UBR2: variants seen among roughly 807,000 people sequenced by gnomAD.
The protein encoded by UBR2 is E3 ubiquitin-protein ligase UBR2.
Under a neutral mutation model 247.9 loss-of-function variants are expected in UBR2, and 92 were observed. The ratio of observed to expected loss-of-function variants is 0.37; its 90% CI spans 0.31 to 0.44. The LOEUF is 0.44. UBR2 is among the 20% of genes least tolerant of loss of function. The pLI, the probability that UBR2 is intolerant of heterozygous loss-of-function variation, is 1.00. For synonymous variants in UBR2, 672 were observed against 693.5 expected (o/e 0.97, Z 0.49); for missense variants, 1,613 against 2,112.6 (o/e 0.76, Z 4.64).
chr6:42,625,545 G>A (rs1562325732), intron 11 of UBR2, among the ~76,000 whole-genome samples: 1 of 152,058 alleles, frequency 6.6e-6, no homozygotes, highest in South Asian at 2.1e-4. Context: ...TACCTCCCAG[G>A]TTCAAGCAAT....
rs1208475129 is a variant in UBR2 at position 42,615,086 on chromosome 6, T to C, written c.1001T>C (p.Ile334Thr). The C allele has an allele frequency of 5.0e-6, 8 of 1,613,306 alleles. No homozygotes were observed. In the East Asian group the frequency reaches 1.8e-4, roughly 36 times the overall value. Residue 334 changes from isoleucine (I) to threonine (T), a missense_variant, in exon 9 of 47, where the codon ATT becomes ACT. Ile to Thr is a moderately conservative substitution (Grantham distance 89). Transcript: ENST00000372901. ...CTATTTAAAGATGGCCTTCGCCGGA[T>C]TTTATGTCAAGTTGGTTTACAAGAA... ...IIGYSDGLRR[I>T]LCQVGLQEGP...
chr6:42,612,090 A>AT, intron 7 of UBR2, 81 bp from the exon 8 acceptor site: 1 of 1,328,808 alleles, frequency 7.5e-7, no homozygotes, highest in Non-Finnish European at 1.0e-6. Flanking sequence ...GTGTGGTTAT[A>AT]TTAAGTAAAA....
chr6:42,605,034 A>G (rs1465166500), intron 5 of UBR2, among the ~76,000 whole-genome samples: 1 of 151,992 alleles, frequency 6.6e-6, no homozygotes, highest in East Asian at 1.9e-4. Context: ...CTCAAAAAAA[A>G]AACAAAAAAC....
intron 2 of UBR2, among the ~76,000 whole-genome samples, chr6:42,574,464 AT>A (rs1791368302): frequency 6.6e-6 from 1 of 152,100 alleles, no homozygotes; most frequent in Non-Finnish European, 1.5e-5. Context: ...ACAATCAGCT[AT>A]TTCTTTAAAG....
In UBR2 at chr6:42,693,488, C is replaced by A. The variant is rs1799848750; in HGVS notation, c.*2315C>A. On this transcript the variant is annotated 3_prime_UTR_variant, in exon 47 of 47. Coordinates refer to ENST00000372901, the MANE Select transcript of UBR2 (RefSeq NM_001363705.2). The stretch of plus-strand genomic sequence containing the variant: ...AAGTTTAAAGATATCCAAATAAATG[C>A]TTTAGGTGTTGGCATTACTTTTGGT... The A allele has an allele frequency of 1.3e-5, 2 of 152,064 alleles. No homozygotes were observed. The highest frequency in any genetic ancestry group is 6.5e-5 in the Admixed American group (1 of 15,272). The allele number at this position is 152,064 out of a possible 1,614,324, so 9.4% of individuals were successfully genotyped here.
intron 7 of UBR2, among the ~76,000 whole-genome samples, chr6:42,610,388 G>T (rs1050568575): frequency 1.3e-5 from 2 of 152,094 alleles, no homozygotes; most frequent in East Asian, 3.8e-4. Flanking sequence ...TTACACCCCC[G>T]TTCAAGCATC....
intron 44 of UBR2, among the ~76,000 whole-genome samples, chr6:42,687,319 C>G (rs1202777948): frequency 1.3e-5 from 2 of 152,178 alleles, no homozygotes; most frequent in African/African-American, 4.8e-5. Flanking sequence ...CCCGTCTCCA[C>G]CAAAAAATAC....
chr6:42,624,511 C>T (rs960673184), intron 11 of UBR2, among the ~76,000 whole-genome samples: 39 of 152,130 alleles, frequency 2.6e-4, no homozygotes, highest in African/African-American at 8.7e-4. Flanking sequence ...AATCAATTCA[C>T]TGAGACCACG....
At position 42,623,434 on chromosome 6, in the gene UBR2, A is replaced by G. The variant is rs539845237; in HGVS notation, c.1281+5927A>G. Among the ~76,000 whole-genome samples, 23 of 152,036 alleles carry G rather than the reference A, an allele frequency of 1.5e-4. No individual in the cohort carries two copies. In the South Asian group the frequency reaches 4.8e-3, roughly 32 times the overall value. On this transcript the variant is annotated intron_variant, in intron 11 of 46. Transcript: ENST00000372901. ...CTATAGGCATGCACCACTGAGCCCA[A>G]CTTGGTTTTTGTTTGTTTGGTTTTG...
chr6:42,643,749 G>A (rs1251499989), intron 18 of UBR2, among the ~76,000 whole-genome samples: 1 of 152,090 alleles, frequency 6.6e-6, no homozygotes, highest in Admixed American at 6.6e-5. Context: ...TCAGTATAAT[G>A]CTTGCCAGAA....
At chr6:42,649,579 A>T (rs796347227) in intron 22 of UBR2, among the ~76,000 whole-genome samples, 7 of 152,312 alleles carry the variant, frequency 4.6e-5, no homozygotes, top group African/African-American at 1.7e-4. Flanking sequence ...AGTGCCCTGC[A>T]ACTTTGTCAA....
At chr6:42,650,167 T>C in intron 22 of UBR2, 117 bp from the exon 23 acceptor site, 1 of 770,946 alleles carries the variant, frequency 1.3e-6, no homozygotes, top group Non-Finnish European at 2.1e-6. Flanking sequence ...TAGTTGTAGC[T>C]TAACACCCAC....
intron 1 of UBR2, among the ~76,000 whole-genome samples, chr6:42,566,831 A>G (rs1005955700): frequency 6.6e-6 from 1 of 152,104 alleles, no homozygotes. Flanking sequence ...TCCTAGGCTC[A>G]AGAGATCCTC....
intron 11 of UBR2, among the ~76,000 whole-genome samples, chr6:42,623,860 G>A (rs1383788067): frequency 6.6e-6 from 1 of 151,644 alleles, no homozygotes; most frequent in East Asian, 1.9e-4. Flanking sequence ...TGTTAATAAG[G>A]TTATTTAATT....
chr6:42,684,523 G>T (rs1447034949), intron 43 of UBR2, among the ~76,000 whole-genome samples: 1 of 151,690 alleles, frequency 6.6e-6, no homozygotes, highest in Non-Finnish European at 1.5e-5. Flanking sequence ...GGCGGAGGTT[G>T]CAGTGAGCCA....
chr6:42,619,584 A>G, intron 11 of UBR2: 1 of 219,656 alleles, frequency 4.6e-6, no homozygotes, highest in Non-Finnish European at 8.8e-6. Flanking sequence ...CCCCATCTCT[A>G]CTAAAAATAG....
intron 23 of UBR2, among the ~76,000 whole-genome samples, chr6:42,651,725 A>G (rs890066394): frequency 6.6e-6 from 1 of 152,030 alleles, no homozygotes; most frequent in Non-Finnish European, 1.5e-5. Context: ...TCCTGACCTC[A>G]GGTGATCCAC....
rs189519853 is a variant in UBR2 at position 42,621,483 on chromosome 6, A to G, written c.1281+3976A>G. On this transcript the variant is annotated intron_variant, in intron 11 of 46. Coordinates refer to ENST00000372901, the MANE Select transcript of UBR2 (RefSeq NM_001363705.2). The stretch of plus-strand genomic sequence containing the variant: ...TTTTTTGTTTGTTTGTTTTTTTGAG[A>G]TGGAGTTTCATTGTTGTTGCCCAGG... Among the ~76,000 whole-genome samples the G allele has an allele frequency of 1.6e-4, 24 of 150,856 alleles. No homozygotes were observed. In the East Asian group the frequency reaches 4.7e-3, roughly 30 times the overall value.
chr6:42,649,465 T>C (rs1444285714), intron 22 of UBR2, among the ~76,000 whole-genome samples: 1 of 152,202 alleles, frequency 6.6e-6, no homozygotes, highest in Non-Finnish European at 1.5e-5. Flanking sequence ...TCTTTGAGGA[T>C]TAGCTAGATC....
Sources: gnomAD v4.1 joint callset for allele counts (sites outside exome capture counted in the v4.1 genomes callset) on GRCh38, gnomAD v4.1.1 for gene constraint, MANE v1.5 for transcripts, NCBI Gene and HGNC (gene_info 2026-07-23, HGNC 2026-07-21) for gene names.